LRRTM4: variants seen among roughly 807,000 people sequenced by gnomAD.
LRRTM4 encodes the protein leucine-rich repeat transmembrane neuronal protein 4.
In LRRTM4, 25 loss-of-function variants were observed where a neutral mutation model predicts 47.6. The observed-to-expected ratio is 0.53, with a 90% CI of 0.38 to 0.73. The LOEUF is 0.73. LRRTM4 is among the 30% of genes least tolerant of loss of function. The pLI is 0.00. For missense variants in LRRTM4, 638 were observed against 713.4 expected (o/e 0.89, Z 1.20); for synonymous variants, 311 against 269.5 (o/e 1.15, Z -1.51).
At chr2:77,390,961 A>T (rs2103814103) in intron 3 of LRRTM4, among the ~76,000 whole-genome samples, 1 of 151,966 alleles carries the variant, frequency 6.6e-6, no homozygotes, top group African/African-American at 2.4e-5. Flanking sequence ...AAAAGAAAAT[A>T]TATAATTTTT....
At chr2:76,769,614 C>T (rs898946139) in intron 3 of LRRTM4, among the ~76,000 whole-genome samples, 5 of 151,948 alleles carry the variant, frequency 3.3e-5, no homozygotes, top group Non-Finnish European at 7.4e-5. Flanking sequence ...CACATTGGTC[C>T]ACCTACTGTA....
At chr2:76,904,898 T>G (rs55982063) in intron 3 of LRRTM4, among the ~76,000 whole-genome samples, 21,960 of 152,214 alleles carry the variant, frequency 0.14, 2,013 homozygotes, top group Admixed American at 0.22. Context: ...GGAGCCAAGA[T>G]GGCCAAATAG....
At chr2:76,956,764 A>G (rs1284159323) in intron 3 of LRRTM4, among the ~76,000 whole-genome samples, 2 of 151,446 alleles carry the variant, frequency 1.3e-5, no homozygotes. Context: ...AGGAGACATT[A>G]CAAATAAGGC....
At chr2:76,780,557 C>T (rs2104155328) in intron 3 of LRRTM4, among the ~76,000 whole-genome samples, 1 of 152,254 alleles carries the variant, frequency 6.6e-6, no homozygotes, top group Non-Finnish European at 1.5e-5. Context: ...GCATCGGCTC[C>T]TGAGGCTTCT....
At position 77,407,705 on chromosome 2, in the gene LRRTM4, A is replaced by ATAT. The variant is rs533402186; in HGVS notation, c.1551+110612_1551+110613insATA. 2.1e-5 allele frequency among the ~76,000 whole-genome samples: 3 copies of ATAT among 139,590 alleles called. 1 individual carries two copies. The highest frequency in any genetic ancestry group is 7.6e-5 in the Admixed American group (1 of 13,236). 91.6% of individuals were successfully genotyped at this position (139,590 alleles called of 152,430 possible). On this transcript the variant is annotated intron_variant, in intron 3 of 3. Transcript: ENST00000409884. ...ATTTAATATAATATATGATATATAT[A>ATAT]ATATATCATATATTATATTATATAT... is the stretch of plus-strand genomic sequence containing the variant.
intron 3 of LRRTM4, among the ~76,000 whole-genome samples, chr2:77,131,089 C>G (rs942757590): frequency 2.0e-5 from 3 of 151,824 alleles, no homozygotes; most frequent in Admixed American, 6.6e-5. Context: ...CCGCCTCGGC[C>G]TCCCAAAGTG....
At chr2:76,983,654 C>G (rs6758707) in intron 3 of LRRTM4, among the ~76,000 whole-genome samples, 51,703 of 151,874 alleles carry the variant, frequency 0.34, 9,550 homozygotes, top group East Asian at 0.55. Context: ...TAGACTTATA[C>G]AGTAATTATA....
chr2:76,932,647 A>AAAATATTTTCT (rs1320815374), intron 3 of LRRTM4, among the ~76,000 whole-genome samples: 2 of 152,200 alleles, frequency 1.3e-5, no homozygotes, highest in South Asian at 4.2e-4. Flanking sequence ...AGATATTTCT[A>AAAATATTTTCT]AAATATTTTC....
At chr2:76,852,057 G>C (rs1402423110) in intron 3 of LRRTM4, among the ~76,000 whole-genome samples, 1 of 151,998 alleles carries the variant, frequency 6.6e-6, no homozygotes, top group African/African-American at 2.4e-5. Context: ...TTCAGATATA[G>C]CTAATGATTT....
At chr2:77,026,686 GTAT>G (rs1678465883) in intron 3 of LRRTM4, among the ~76,000 whole-genome samples, 1 of 151,768 alleles carries the variant, frequency 6.6e-6, no homozygotes, top group East Asian at 1.9e-4. Flanking sequence ...TTCTGAATGA[GTAT>G]TATTTGCACT....
intron 3 of LRRTM4, among the ~76,000 whole-genome samples, chr2:76,977,946 G>A (rs1175515586): frequency 6.6e-6 from 1 of 151,954 alleles, no homozygotes; most frequent in East Asian, 1.9e-4. Flanking sequence ...GGCTTGCTGA[G>A]CCAGAAACAT....
chr2:76,872,793 T>C (rs192650379), intron 3 of LRRTM4, among the ~76,000 whole-genome samples: 6 of 152,208 alleles, frequency 3.9e-5, no homozygotes, highest in Non-Finnish European at 2.9e-5. Context: ...CTGAATAGCT[T>C]GGTGCTGTCC....
At chr2:77,169,792 T>G (rs1672993336) in intron 3 of LRRTM4, among the ~76,000 whole-genome samples, 1 of 152,190 alleles carries the variant, frequency 6.6e-6, no homozygotes, top group African/African-American at 2.4e-5. Flanking sequence ...ACCCAGTCTG[T>G]GGTAATCTGT....
chr2:76,913,557 T>TTTTTTTTTTTTTTTTTG (rs1490535283), intron 3 of LRRTM4, among the ~76,000 whole-genome samples: 1 of 150,200 alleles, frequency 6.7e-6, no homozygotes, highest in African/African-American at 2.5e-5. Context: ...TTTTTTTTTT[T>TTTTTTTTTTTTTTTTTG]GAGACAGAGT....
chr2:77,408,268 C>T (rs764307450), intron 3 of LRRTM4, among the ~76,000 whole-genome samples: 1 of 152,076 alleles, frequency 6.6e-6, no homozygotes, highest in Non-Finnish European at 1.5e-5. Context: ...CCATGGTGCT[C>T]CCAACTCCAT....
At chr2:77,341,760 G>A (rs1254637471) in intron 3 of LRRTM4, among the ~76,000 whole-genome samples, 1 of 152,012 alleles carries the variant, frequency 6.6e-6, no homozygotes, top group Non-Finnish European at 1.5e-5. Context: ...CTTTTAATAT[G>A]AGTGTTTTAG....
intron 3 of LRRTM4, among the ~76,000 whole-genome samples, chr2:76,974,187 CATATATATACATAT>C (rs1318348305): frequency 3.7e-5 from 4 of 107,714 alleles, no homozygotes; most frequent in African/African-American, 6.9e-5. Flanking sequence ...TATATACATA[CATATATATACATAT>C]ATATATATAC....
intron 3 of LRRTM4, among the ~76,000 whole-genome samples, chr2:77,350,345 A>AG (rs1671719961): frequency 6.8e-6 from 1 of 146,838 alleles, no homozygotes; most frequent in African/African-American, 2.5e-5. Flanking sequence ...AAAAAAAAAA[A>AG]AAAAAAAAAA....
At chr2:77,489,398 TA>T (rs1678051236) in intron 3 of LRRTM4, among the ~76,000 whole-genome samples, 1 of 152,224 alleles carries the variant, frequency 6.6e-6, no homozygotes, top group Non-Finnish European at 1.5e-5. Flanking sequence ...TCAAAATATT[TA>T]AACAACAATT....
Sources: gnomAD v4.1 joint callset for allele counts (sites outside exome capture counted in the v4.1 genomes callset) on GRCh38, gnomAD v4.1.1 for gene constraint, MANE v1.5 for transcripts, NCBI Gene and HGNC (gene_info 2026-07-23, HGNC 2026-07-21) for gene names.